Variants in KAZN observed in about 807,000 individuals in gnomAD.
KAZN encodes the protein kazrin, periplakin interacting protein, also known as kazrin.
In KAZN, 40 loss-of-function variants were observed where a neutral mutation model predicts 87.4. The observed-to-expected ratio is 0.46, with a 90% CI of 0.36 to 0.60. KAZN has a LOEUF of 0.60. Ranked by LOEUF, KAZN falls within the 20% of genes least tolerant of loss-of-function variation. The pLI, the probability that KAZN is intolerant of heterozygous loss-of-function variation, is 0.00. For missense variants in KAZN, 898 were observed against 1,073.9 expected (o/e 0.84, Z 2.29); for synonymous variants, 466 against 458.3 (o/e 1.02, Z -0.22).
intron 1 of KAZN, among the ~76,000 whole-genome samples, chr1:14,852,733 T>A (rs1649608086): frequency 6.6e-6 from 1 of 152,222 alleles, no homozygotes; most frequent in Non-Finnish European, 1.5e-5. Context: ...GGATTGCAGC[T>A]TCTATAATCA....
rs576498324 is a variant in KAZN at position 15,041,412 on chromosome 1, A to G, written c.556-2577A>G. Among the ~76,000 whole-genome samples, 64 of 141,892 alleles carry G rather than the reference A, an allele frequency of 4.5e-4. No homozygotes were observed. The South Asian group carries it at 5.9e-3, about 13-fold the overall frequency. 93.1% of individuals were successfully genotyped at this position (141,892 alleles called of 152,430 possible). A position where few individuals can be genotyped will look rare whatever the true frequency, so the allele number is the denominator to read the frequency against. On this transcript the variant is annotated intron_variant, in intron 3 of 14. Coordinates refer to ENST00000376030, the MANE Select transcript of KAZN (RefSeq NM_201628.3). ...GAGTGCAATGGCGGGATCTCGGCTC[A>G]CTGCAACCTCCGCCTCCCAGGTTCA...
chr1:14,589,271 G>A (rs2148577172), intron 2 of KAZN, among the ~76,000 whole-genome samples: 1 of 150,230 alleles, frequency 6.7e-6, no homozygotes, highest in East Asian at 2.0e-4. Flanking sequence ...ATGTGGCCTT[G>A]GAGTTCCAAA....
At chr1:14,606,512 T>C (rs1277429322) in intron 1 of KAZN, among the ~76,000 whole-genome samples, 4 of 152,094 alleles carry the variant, frequency 2.6e-5, no homozygotes. Flanking sequence ...AGCCTCCAAT[T>C]TCTTGGACTT....
Position 14,820,612 on chromosome 1 carries a change from G to A in KAZN, c.227-140072G>A, listed in dbSNP as rs1377693662. Among the ~76,000 whole-genome samples the A allele has an allele frequency of 2.6e-5, 4 of 152,244 alleles. No homozygotes were observed. The highest frequency in any genetic ancestry group is 2.1e-4 in the South Asian group (1 of 4,832). ...CAGTGAGTTGGCAATGCCTGGCCACGTGTGCTCTGTGGTCTTTGAACTTGA... is the reference window on the plus strand; with the variant it reads ...CAGTGAGTTGGCAATGCCTGGCCACATGTGCTCTGTGGTCTTTGAACTTGA... On this transcript the variant is annotated intron_variant, in intron 1 of 14. Coordinates refer to ENST00000376030, the MANE Select transcript of KAZN (RefSeq NM_201628.3). This position sits in a 1 kb window ranked among gnomAD's most constrained non-coding sequence, Gnocchi z 4.1.
intron 2 of KAZN, among the ~76,000 whole-genome samples, chr1:15,023,792 G>T (rs964258857): frequency 6.6e-6 from 1 of 152,078 alleles, no homozygotes. Flanking sequence ...CAGCCCGGGT[G>T]GGTGAGCAGG....
chr1:14,239,451 G>GGTTCTTTTTTTTTTTTTTTTT, intron 2 of KAZN, among the ~76,000 whole-genome samples: 1 of 110,644 alleles, frequency 9.0e-6, no homozygotes, highest in South Asian at 3.2e-4. Context: ...CATAAGTTGG[G>GGTTCTTTTTTTTTTTTTTTTT]TTTCTTTTTT....
At chr1:14,847,458 G>A (rs142044972) in intron 1 of KAZN, among the ~76,000 whole-genome samples, 8 of 152,308 alleles carry the variant, frequency 5.3e-5, no homozygotes, top group Non-Finnish European at 1.0e-4. Context: ...AGGGATTGCA[G>A]GCCTGGGAGG....
At chr1:15,002,252 A>G in intron 2 of KAZN, among the ~76,000 whole-genome samples, 1 of 152,082 alleles carries the variant, frequency 6.6e-6, no homozygotes, top group South Asian at 2.1e-4. Context: ...GCCAAAATTC[A>G]CTGATACTCC....
At chr1:14,529,658 G>A (rs1041236718) in intron 2 of KAZN, among the ~76,000 whole-genome samples, 3 of 152,130 alleles carry the variant, frequency 2.0e-5, no homozygotes, top group African/African-American at 7.2e-5. Context: ...CCCAATAGAG[G>A]AGAAGGAAAG....
At chr1:14,688,409 T>A (rs1464519517) in intron 1 of KAZN, among the ~76,000 whole-genome samples, 2 of 152,136 alleles carry the variant, frequency 1.3e-5, no homozygotes, top group Non-Finnish European at 2.9e-5. Flanking sequence ...AGGTGCTGGG[T>A]CTGAAACTGT....
chr1:14,384,073 A>G (rs1444606345), intron 2 of KAZN, among the ~76,000 whole-genome samples: 1 of 151,780 alleles, frequency 6.6e-6, no homozygotes, highest in South Asian at 2.1e-4. Flanking sequence ...TTCTCTTTGA[A>G]GCAATTGTGA....
intron 1 of KAZN, among the ~76,000 whole-genome samples, chr1:13,941,395 G>C (rs1640922166): frequency 6.6e-6 from 1 of 152,056 alleles, no homozygotes; most frequent in South Asian, 2.1e-4. Context: ...GGAAGCCTGT[G>C]GTCCTCAGTC....
chr1:14,619,364 AT>A (rs760457479), intron 1 of KAZN, among the ~76,000 whole-genome samples: 15 of 151,622 alleles, frequency 9.9e-5, no homozygotes, highest in Admixed American at 2.6e-4. Context: ...CACCTGGCTA[AT>A]TTTTTAAATT....
At chr1:14,092,092 C>CTTT (rs869248379) in intron 1 of KAZN, among the ~76,000 whole-genome samples, 4 of 129,086 alleles carry the variant, frequency 3.1e-5, no homozygotes, top group Non-Finnish European at 5.0e-5. Flanking sequence ...ATTTTCTTTT[C>CTTT]TTTTTTTTTT....
At chr1:13,936,385 AGCCACCATGCCTGG>A (rs769555817) in intron 1 of KAZN, among the ~76,000 whole-genome samples, 5 of 151,858 alleles carry the variant, frequency 3.3e-5, no homozygotes, top group Non-Finnish European at 7.4e-5. Context: ...TACTGGCATG[AGCCACCATGCCTGG>A]CCTACAAGTG....
intron 1 of KAZN, among the ~76,000 whole-genome samples, chr1:14,679,331 T>G (rs1640430167): frequency 6.6e-6 from 1 of 151,902 alleles, no homozygotes; most frequent in African/African-American, 2.4e-5. Flanking sequence ...GTACACCAAG[T>G]AAGTTTAGGA....
chr1:14,521,334 T>C (rs1468576154), intron 2 of KAZN, among the ~76,000 whole-genome samples: 1 of 152,222 alleles, frequency 6.6e-6, no homozygotes, highest in Non-Finnish European at 1.5e-5. Context: ...ACTGCATTTA[T>C]GCCCCTCCAA....
At chr1:14,285,553 A>G (rs1557615898) in intron 2 of KAZN, among the ~76,000 whole-genome samples, 1 of 152,144 alleles carries the variant, frequency 6.6e-6, no homozygotes, top group Non-Finnish European at 1.5e-5. Context: ...ACAGTTGTGT[A>G]TTTCCTGTGG....
chr1:14,424,511 G>T (rs995114497), intron 2 of KAZN, among the ~76,000 whole-genome samples: 5 of 152,118 alleles, frequency 3.3e-5, no homozygotes, highest in African/African-American at 9.7e-5. Flanking sequence ...CATACGCAGA[G>T]CCACCATGTA....
Sources: gnomAD v4.1 joint callset for allele counts (sites outside exome capture counted in the v4.1 genomes callset) on GRCh38, gnomAD v4.1.1 for gene constraint, Gnocchi (gnomAD v3.1) non-coding constraint, MANE v1.5 for transcripts, NCBI Gene and HGNC (gene_info 2026-07-23, HGNC 2026-07-21) for gene names.